Variants in RTN1 observed in about 807,000 individuals in gnomAD.
RTN1 encodes reticulon-1.
A neutral mutation model predicts 65.5 loss-of-function variants in RTN1; 25 were observed. That is an observed-to-expected ratio of 0.38 (90% CI 0.28 to 0.53). RTN1 has a LOEUF of 0.53. RTN1 is among the 20% of genes least tolerant of loss of function. RTN1 has a pLI of 0.79. For synonymous variants in RTN1, 471 were observed against 447.6 expected (o/e 1.05, Z -0.66); for missense variants, 983 against 1,025.4 (o/e 0.96, Z 0.57).
intron 3 of RTN1, among the ~76,000 whole-genome samples, chr14:59,726,526 C>T (rs1440241934): frequency 6.6e-6 from 1 of 152,166 alleles, no homozygotes; most frequent in Non-Finnish European, 1.5e-5. Flanking sequence ...CCAGCACCTA[C>T]AGAGACTGAG....
intron 3 of RTN1, among the ~76,000 whole-genome samples, chr14:59,616,817 G>GAAAA (rs1247575891): frequency 1.3e-5 from 2 of 152,162 alleles, no homozygotes; most frequent in Non-Finnish European, 2.9e-5. Context: ...TGAAAGAGAG[G>GAAAA]AAAAGAACAA....
intron 4 of RTN1, among the ~76,000 whole-genome samples, chr14:59,606,950 C>T (rs1265741384): frequency 1.3e-5 from 2 of 152,212 alleles, no homozygotes; most frequent in African/African-American, 4.8e-5. Flanking sequence ...CTTCTCAGAA[C>T]CTCAGTGTTC....
chr14:59,789,266 A>G (rs1594743975), intron 1 of RTN1, among the ~76,000 whole-genome samples: 6 of 152,144 alleles, frequency 3.9e-5, no homozygotes, highest in Admixed American at 3.9e-4. Context: ...CAACAGGAAA[A>G]TGCTAATAAA....
At chr14:59,676,920 C>T (rs1489193792) in intron 3 of RTN1, among the ~76,000 whole-genome samples, 11 of 152,046 alleles carry the variant, frequency 7.2e-5, no homozygotes, top group Non-Finnish European at 1.5e-5. Context: ...TGATGGTAGC[C>T]CAAAGAGGTT....
At chr14:59,671,876 T>C (rs2140215238) in intron 3 of RTN1, among the ~76,000 whole-genome samples, 1 of 152,352 alleles carries the variant, frequency 6.6e-6, no homozygotes, top group East Asian at 1.9e-4. Context: ...GTTTAATCTT[T>C]TGTCTTGTTT....
Position 59,727,702 on chromosome 14 carries a change from G to T in RTN1, c.1016-34C>A. ...CCACAGAGCGAAGGAGAGCCACGGAGGCACACACACGGACAGACAGATGGA... is the reference window on the plus strand; with the variant it reads ...CCACAGAGCGAAGGAGAGCCACGGATGCACACACACGGACAGACAGATGGA... On this transcript the variant is annotated intron_variant, in intron 2 of 8. Coordinates refer to ENST00000267484, the MANE Select transcript of RTN1 (RefSeq NM_021136.3). The surrounding 1 kb of genome is among the most constrained non-coding windows in gnomAD (Gnocchi z 4.2). 6.4e-7 allele frequency: 1 copy of T among 1,556,100 alleles called. No homozygotes were observed.
intron 1 of RTN1, among the ~76,000 whole-genome samples, chr14:59,778,958 G>C (rs372933141): frequency 9.2e-5 from 14 of 152,148 alleles, no homozygotes; most frequent in African/African-American, 2.9e-4. Context: ...TCACCGAAGG[G>C]CTTTAATCAA....
At chr14:59,763,514 A>G (rs8007978) in intron 1 of RTN1, among the ~76,000 whole-genome samples, 1 of 150,858 alleles carries the variant, frequency 6.6e-6, no homozygotes, top group Admixed American at 6.7e-5. Context: ...ATTCATAACA[A>G]TAACACAATT....
At chr14:59,734,640 C>T (rs1027868470) in intron 2 of RTN1, among the ~76,000 whole-genome samples, 1 of 152,028 alleles carries the variant, frequency 6.6e-6, no homozygotes, top group African/African-American at 2.4e-5. Flanking sequence ...AATCTCAGAC[C>T]TTGAAGAGTA....
intron 1 of RTN1, among the ~76,000 whole-genome samples, chr14:59,753,839 T>G (rs1375665174): frequency 1.3e-5 from 2 of 152,226 alleles, no homozygotes; most frequent in African/African-American, 4.8e-5. Flanking sequence ...TGCCTTGTTC[T>G]AGACTAGACA....
At chr14:59,862,650 T>C (rs1887731307) in intron 1 of RTN1, among the ~76,000 whole-genome samples, 1 of 152,170 alleles carries the variant, frequency 6.6e-6, no homozygotes, top group African/African-American at 2.4e-5. Flanking sequence ...CTCAAATCCA[T>C]TTCCCATCTG....
intron 3 of RTN1, among the ~76,000 whole-genome samples, chr14:59,684,060 T>C (rs1883797731): frequency 6.6e-6 from 1 of 152,070 alleles, no homozygotes; most frequent in Admixed American, 6.5e-5. Flanking sequence ...CACTTTCTGT[T>C]TGCAATGTTA....
chr14:59,601,291 T>G lies in RTN1; in HGVS notation c.2288+1774A>C, dbSNP rs139014646. ...TTCCCCTTATCATCCACGTGATGAC[T>G]GTTTACCCATCCTTCAAGGCCCAGG... On this transcript the variant is annotated intron_variant, in intron 8 of 8. Coordinates refer to ENST00000267484, the MANE Select transcript of RTN1 (RefSeq NM_021136.3). 8.1e-4 allele frequency among the ~76,000 whole-genome samples: 123 copies of G among 152,328 alleles called. No individual in the cohort carries two copies. The Middle Eastern group carries it at 0.027, about 34-fold the overall frequency.
chr14:59,800,432 A>G (rs1886521416), intron 1 of RTN1, among the ~76,000 whole-genome samples: 1 of 152,032 alleles, frequency 6.6e-6, no homozygotes, highest in African/African-American at 2.4e-5. Flanking sequence ...TCAGAGTCTC[A>G]CTCTGTCCCC....
chr14:59,864,431 T>G (rs1355562242), intron 1 of RTN1, among the ~76,000 whole-genome samples: 1 of 152,184 alleles, frequency 6.6e-6, no homozygotes, highest in African/African-American at 2.4e-5. Context: ...AGGTCTTCTT[T>G]GACTATCCCT....
chr14:59,763,196 CAGA>C (rs567075620), intron 1 of RTN1, among the ~76,000 whole-genome samples: 26 of 152,278 alleles, frequency 1.7e-4, no homozygotes, highest in African/African-American at 5.5e-4. Flanking sequence ...ACTGAGTGCA[CAGA>C]AGATGTGCCC....
chr14:59,622,201 C>A (rs138105693), intron 3 of RTN1, among the ~76,000 whole-genome samples: 3 of 152,254 alleles, frequency 2.0e-5, no homozygotes, highest in African/African-American at 7.2e-5. Flanking sequence ...ATCAGCTGGG[C>A]ATAGTGGCAC....
intron 3 of RTN1, among the ~76,000 whole-genome samples, chr14:59,614,718 G>A (rs1358209746): frequency 6.6e-6 from 1 of 152,152 alleles, no homozygotes; most frequent in Non-Finnish European, 1.5e-5. Context: ...AAGGCCTGGG[G>A]ACATACGGAA....
intron 1 of RTN1, among the ~76,000 whole-genome samples, chr14:59,824,753 T>C (rs1363775475): frequency 1.3e-5 from 2 of 152,226 alleles, no homozygotes; most frequent in South Asian, 2.1e-4. Context: ...AAAAAGCTAC[T>C]ACAATGCATT....
Sources: allele counts gnomAD v4.1 joint callset (sites outside exome capture counted in the v4.1 genomes callset), GRCh38; gene constraint gnomAD v4.1.1; non-coding constraint Gnocchi (gnomAD v3.1); transcripts MANE v1.5; gene names NCBI Gene and HGNC (gene_info 2026-07-23, HGNC 2026-07-21).